The following PIBF1 variants were observed in gnomAD, a reference collection of about 807,000 sequenced individuals.
PIBF1 encodes progesterone-induced-blocking factor 1.
A neutral mutation model predicts 112.5 loss-of-function variants in PIBF1; 90 were observed. The observed-to-expected ratio is 0.80, with a 90% confidence interval of 0.67 to 0.95. The LOEUF (loss-of-function observed/expected upper bound fraction) is 0.95, where lower values mean the gene tolerates loss of function less well. PIBF1 is among the 40% of genes least tolerant of loss of function. PIBF1 has a pLI of 0.00. For synonymous variants in PIBF1, 301 were observed against 288.6 expected (o/e 1.04, Z -0.44); for missense variants, 915 against 852.3 (o/e 1.07, Z -0.92).
intron 16 of PIBF1, among the ~76,000 whole-genome samples, chr13:72,980,366 A>G (rs2043126382): frequency 1.3e-5 from 2 of 152,340 alleles, no homozygotes; most frequent in South Asian, 4.1e-4. Context: ...AGCATCAGTG[A>G]CGAGCATCAG....
chr13:72,787,083 ATGTATGTTAATGTG>A (rs2034638169), intron 2 of PIBF1, among the ~76,000 whole-genome samples: 1 of 152,166 alleles, frequency 6.6e-6, no homozygotes, highest in African/African-American at 2.4e-5. Flanking sequence ...GAATATGTAT[ATGTATGTTAATGTG>A]TGTATGTGTG....
At chr13:72,923,957 T>A (rs1457750876) in intron 13 of PIBF1, among the ~76,000 whole-genome samples, 1 of 152,144 alleles carries the variant, frequency 6.6e-6, no homozygotes, top group Non-Finnish European at 1.5e-5. Context: ...AGAGCGAAAC[T>A]CTAACTCAAA....
chr13:72,798,638 A>G (rs1285898863), intron 5 of PIBF1, among the ~76,000 whole-genome samples: 1 of 152,194 alleles, frequency 6.6e-6, no homozygotes, highest in Non-Finnish European at 1.5e-5. Context: ...AGAAGGGTGG[A>G]CTAATCATTA....
intron 6 of PIBF1, among the ~76,000 whole-genome samples, chr13:72,826,467 A>C (rs966775611): frequency 2.0e-5 from 3 of 152,202 alleles, no homozygotes; most frequent in African/African-American, 7.2e-5. Flanking sequence ...ATTTTAAAAA[A>C]TGTGTGTTGT....
At chr13:73,005,060 C>T (rs778830640) in intron 17 of PIBF1, among the ~76,000 whole-genome samples, 19 of 152,000 alleles carry the variant, frequency 1.3e-4, no homozygotes, top group Non-Finnish European at 5.9e-5. Flanking sequence ...TGGTGCATGC[C>T]TGTAATCCCG....
intron 12 of PIBF1, among the ~76,000 whole-genome samples, chr13:72,910,765 T>C (rs2040866497): frequency 6.6e-6 from 1 of 152,120 alleles, no homozygotes; most frequent in Admixed American, 6.6e-5. Context: ...ATATAGTCAT[T>C]ACCCAAAAAT....
At chr13:72,985,986 A>G (rs536623601) in intron 16 of PIBF1, among the ~76,000 whole-genome samples, 2 of 152,028 alleles carry the variant, frequency 1.3e-5, no homozygotes, top group Admixed American at 1.3e-4. Flanking sequence ...CTCCATCTCT[A>G]GAAAAAAAAA....
chr13:72,844,839 A>G (rs1212289829), intron 9 of PIBF1, among the ~76,000 whole-genome samples: 1 of 129,950 alleles, frequency 7.7e-6, no homozygotes, highest in African/African-American at 3.0e-5. Context: ...TGGGTCTTGA[A>G]CTCCTGAGCT....
chr13:72,934,964 A>T (rs76507205), intron 14 of PIBF1, among the ~76,000 whole-genome samples: 81 of 151,648 alleles, frequency 5.3e-4, no homozygotes, highest in East Asian at 9.7e-4. Context: ...TTAGTTAGTT[A>T]GTTTGTTTGT....
chr13:72,798,085 C>A, intron 5 of PIBF1, 59 bp downstream of exon 5: 1 of 1,521,898 alleles, frequency 6.6e-7, no homozygotes, highest in Non-Finnish European at 8.8e-7. Flanking sequence ...TAGAGTCCCT[C>A]AGGATTTGTG....
chr13:72,898,696 A>AT lies in PIBF1; in HGVS notation c.1488+4747_1488+4748insT, dbSNP rs1249918741. On this transcript the variant is annotated intron_variant, in intron 11 of 17. Coordinates refer to ENST00000326291, the MANE Select transcript of PIBF1 (RefSeq NM_006346.4). ...TACTAAAAATGCAAAAAAAAAAAAAAAATAAAGCCGGGCATGTGGCTCATG... is the reference window on the plus strand; with the variant it reads ...TACTAAAAATGCAAAAAAAAAAAAAATAATAAAGCCGGGCATGTGGCTCATG... 6.0e-3 allele frequency among the ~76,000 whole-genome samples: 906 copies of AT among 150,114 alleles called. 4 individuals carry two copies. Among genetic ancestry groups the AT allele is most frequent in the Middle Eastern group, 0.021 (6 of 288 alleles).
At chr13:72,853,543 T>C (rs1566360564) in intron 9 of PIBF1, among the ~76,000 whole-genome samples, 1 of 152,186 alleles carries the variant, frequency 6.6e-6, no homozygotes, top group Non-Finnish European at 1.5e-5. Context: ...TTGTCCCTTC[T>C]ACTTTCTCCT....
intron 16 of PIBF1, among the ~76,000 whole-genome samples, chr13:72,976,203 T>C (rs1008687809): frequency 1.1e-4 from 16 of 152,092 alleles, no homozygotes; most frequent in African/African-American, 3.6e-4. Flanking sequence ...TTTGAGACTA[T>C]AGTGCACTCT....
At chr13:72,860,366 CAG>C (rs769417185) in intron 10 of PIBF1, among the ~76,000 whole-genome samples, 6 of 143,106 alleles carry the variant, frequency 4.2e-5, no homozygotes, top group Non-Finnish European at 7.6e-5. Flanking sequence ...AGTAGAGAGA[CAG>C]AGAATCTACT....
intron 16 of PIBF1, among the ~76,000 whole-genome samples, chr13:72,998,348 C>T (rs550712405): frequency 1.3e-5 from 2 of 151,984 alleles, no homozygotes; most frequent in Admixed American, 6.6e-5. Flanking sequence ...TGGTGGCATG[C>T]GCCTGTAGTC....
At chr13:72,881,342 C>G (rs2039624919) in intron 10 of PIBF1, 1 of 151,950 alleles carries the variant, frequency 6.6e-6, no homozygotes, top group Non-Finnish European at 1.5e-5. Context: ...TTCTATATGC[C>G]AACAATGAAC....
At chr13:72,894,427 A>G (rs1442848730) in intron 11 of PIBF1, among the ~76,000 whole-genome samples, 1 of 152,088 alleles carries the variant, frequency 6.6e-6, no homozygotes, top group Non-Finnish European at 1.5e-5. Context: ...CAATATTTTT[A>G]AAAGTACTTT....
intron 2 of PIBF1, among the ~76,000 whole-genome samples, chr13:72,792,153 G>A (rs150309049): frequency 0.028 from 4,265 of 151,884 alleles, 203 homozygotes; most frequent in African/African-American, 0.097. Context: ...AAAATTAACC[G>A]GGTGTGGTGG....
chr13:73,015,822 C>T lies in PIBF1; in HGVS notation c.2224-47C>T, dbSNP rs772052194. On this transcript the variant is annotated intron_variant, in intron 17 of 17. Transcript: ENST00000326291. ...AGTTCTCTGAGTTGCCTCTCTTGTC[C>T]TCCTTGTAAGCATTTTATTGGATTT... The T allele has an allele frequency of 1.5e-5, 18 of 1,208,860 alleles. 1 individual carries two copies. The Middle Eastern group carries it at 1.9e-3, about 128-fold the overall frequency. 74.9% of individuals were successfully genotyped at this position (1,208,860 alleles called of 1,614,324 possible).
Sources: allele counts gnomAD v4.1 joint callset (sites outside exome capture counted in the v4.1 genomes callset), GRCh38; gene constraint gnomAD v4.1.1; transcripts MANE v1.5; gene names NCBI Gene and HGNC (gene_info 2026-07-23, HGNC 2026-07-21).